CSMD1: variants seen among roughly 807,000 people sequenced by gnomAD.
CSMD1 encodes CUB and sushi domain-containing protein 1.
A neutral mutation model predicts 417.5 loss-of-function variants in CSMD1; 213 were observed. The ratio of observed to expected loss-of-function variants is 0.51; its 90% CI spans 0.46 to 0.57. CSMD1 has a LOEUF of 0.57. Ranked by LOEUF, CSMD1 falls within the 20% of genes least tolerant of loss-of-function variation. The pLI is 0.00. For synonymous variants in CSMD1, 2,862 were observed against 1,736.8 expected (o/e 1.65, Z -16.11); for missense variants, 6,923 against 4,529.7 (o/e 1.53, Z -15.17).
At chr8:3,000,838 C>T (rs673465) in intron 52 of CSMD1, among the ~76,000 whole-genome samples, 1 of 152,098 alleles carries the variant, frequency 6.6e-6, no homozygotes, top group South Asian at 2.1e-4. Context: ...CGCGAGATCG[C>T]GACAGGCGTC....
intron 1 of CSMD1, among the ~76,000 whole-genome samples, chr8:4,844,940 CCAGT>C (rs1170867468): frequency 2.0e-5 from 3 of 152,244 alleles, no homozygotes; most frequent in South Asian, 4.1e-4. Flanking sequence ...CAAATAGACA[CCAGT>C]CAATTTGGCA....
At chr8:4,396,943 G>C (rs775543996) in intron 3 of CSMD1, among the ~76,000 whole-genome samples, 3 of 151,984 alleles carry the variant, frequency 2.0e-5, no homozygotes, top group Non-Finnish European at 4.4e-5. Flanking sequence ...CACTGCCTGG[G>C]TGATGAGTGC....
intron 51 of CSMD1, among the ~76,000 whole-genome samples, chr8:3,020,163 T>C (rs1366103690): frequency 6.6e-6 from 1 of 152,190 alleles, no homozygotes; most frequent in African/African-American, 2.4e-5. Flanking sequence ...CTGTTATGGG[T>C]TGATAATAGC....
intron 5 of CSMD1, among the ~76,000 whole-genome samples, chr8:3,856,830 C>A (rs866771707): frequency 1.3e-5 from 2 of 152,110 alleles, no homozygotes; most frequent in African/African-American, 2.4e-5. Context: ...CCAAAGTTAA[C>A]AGAACAGGCA....
intron 10 of CSMD1, among the ~76,000 whole-genome samples, chr8:3,568,113 TAATAA>T (rs754230478): frequency 6.6e-6 from 1 of 152,198 alleles, no homozygotes; most frequent in Non-Finnish European, 1.5e-5. Flanking sequence ...TATAAATATA[TAATAA>T]AACAAACTTA....
intron 2 of CSMD1, among the ~76,000 whole-genome samples, chr8:4,461,417 A>T (rs1799809253): frequency 6.6e-6 from 1 of 151,964 alleles, no homozygotes; most frequent in Admixed American, 6.6e-5. Flanking sequence ...ATAAAAATAT[A>T]ACTATTTACA....
Position 4,828,403 on chromosome 8 carries a change from G to C in CSMD1, c.85+165929C>G, listed in dbSNP as rs11779619. ...CACAATGACTTTGCTGTAGTTATTT[G>C]ATGACATAACCACGCAAAGCAGGGG... On this transcript the variant is annotated intron_variant, in intron 1 of 69. Coordinates refer to ENST00000635120, the MANE Select transcript of CSMD1 (RefSeq NM_033225.6). Among the ~76,000 whole-genome samples, 1,255 of 152,242 alleles carry C rather than the reference G, an allele frequency of 8.2e-3. 4 individuals carry two copies. Among genetic ancestry groups the C allele is most frequent in the Non-Finnish European group, 0.013 (911 of 68,008 alleles).
chr8:3,595,949 CTCTTT>C (rs1176544011), intron 8 of CSMD1, among the ~76,000 whole-genome samples: 5 of 152,178 alleles, frequency 3.3e-5, no homozygotes, highest in South Asian at 2.1e-4. Context: ...CCATCTTCTT[CTCTTT>C]TGTGTCTCCC....
At chr8:4,067,238 C>T (rs968630770) in intron 3 of CSMD1, among the ~76,000 whole-genome samples, 1 of 152,138 alleles carries the variant, frequency 6.6e-6, no homozygotes, top group African/African-American at 2.4e-5. Flanking sequence ...GTCAGATGTT[C>T]AAGACAGATA....
At chr8:4,424,739 C>T (rs557494085) in intron 2 of CSMD1, among the ~76,000 whole-genome samples, 72 of 152,176 alleles carry the variant, frequency 4.7e-4, no homozygotes, top group Non-Finnish European at 8.5e-4. Context: ...TAGAAATGCT[C>T]ATGATGGGAA....
intron 4 of CSMD1, among the ~76,000 whole-genome samples, chr8:4,021,139 T>C (rs1412133934): frequency 1.3e-5 from 2 of 152,182 alleles, no homozygotes; most frequent in Non-Finnish European, 2.9e-5. Flanking sequence ...TAGCCTGAAG[T>C]GTATGCAGCT....
chr8:3,213,687 G>T (rs1444489629), intron 30 of CSMD1, among the ~76,000 whole-genome samples: 1 of 150,700 alleles, frequency 6.6e-6, no homozygotes, highest in South Asian at 2.1e-4. Context: ...ATGTGTGTGT[G>T]TATGTATATA....
At chr8:4,450,655 G>T (rs1261259272) in intron 2 of CSMD1, among the ~76,000 whole-genome samples, 1 of 152,126 alleles carries the variant, frequency 6.6e-6, no homozygotes, top group Admixed American at 6.5e-5. Flanking sequence ...TTGGTACTTT[G>T]ATGCAGTATC....
intron 5 of CSMD1, among the ~76,000 whole-genome samples, chr8:3,968,997 T>C (rs1318851422): frequency 1.3e-5 from 2 of 152,216 alleles, no homozygotes; most frequent in Non-Finnish European, 2.9e-5. Context: ...ATACCTGTAC[T>C]ATCAGCACTT....
chr8:4,433,070 C>G (rs994582002), intron 2 of CSMD1, among the ~76,000 whole-genome samples: 1 of 152,168 alleles, frequency 6.6e-6, no homozygotes, highest in African/African-American at 2.4e-5. Flanking sequence ...CTCTTTATAA[C>G]TATCCAATGC....
At chr8:3,387,151 G>T (rs1012441886) in intron 18 of CSMD1, among the ~76,000 whole-genome samples, 1 of 152,178 alleles carries the variant, frequency 6.6e-6, no homozygotes, top group African/African-American at 2.4e-5. Flanking sequence ...TATGTCAGGG[G>T]AAAATCAGGT....
At chr8:4,075,857 G>A (rs190380566) in intron 3 of CSMD1, among the ~76,000 whole-genome samples, 2 of 152,254 alleles carry the variant, frequency 1.3e-5, no homozygotes, top group East Asian at 3.9e-4. Context: ...TCCTCAGGGA[G>A]CCAGTTCATA....
Position 3,965,127 on chromosome 8 carries a change from T to A in CSMD1, c.818+32776A>T, listed in dbSNP as rs74945142. Among the ~76,000 whole-genome samples the A allele has an allele frequency of 7.8e-3, 1,184 of 152,280 alleles. 23 individuals carry two copies. The highest frequency in any genetic ancestry group is 0.074 in the East Asian group (382 of 5,176). On this transcript the variant is annotated intron_variant, in intron 5 of 69. Transcript: ENST00000635120. ...TAACTTCAGGCTATTATTATTGTAA[T>A]TGTGTTATTAATATTTTAATAGTTT...
At chr8:3,573,155 T>G (rs950727270) in intron 10 of CSMD1, among the ~76,000 whole-genome samples, 2 of 152,210 alleles carry the variant, frequency 1.3e-5, no homozygotes, top group Non-Finnish European at 2.9e-5. Context: ...CAGCTTATAA[T>G]AGATAATGAT....
Sources: gnomAD v4.1 joint callset for allele counts (sites outside exome capture counted in the v4.1 genomes callset) on GRCh38, gnomAD v4.1.1 for gene constraint, MANE v1.5 for transcripts, NCBI Gene and HGNC (gene_info 2026-07-23, HGNC 2026-07-21) for gene names.